Variants in CAGE1 observed in about 807,000 individuals in gnomAD.
CAGE1 encodes cancer-associated gene 1 protein.
Under a neutral mutation model 94.9 loss-of-function variants are expected in CAGE1, and 66 were observed. The ratio of observed to expected loss-of-function variants is 0.70; its 90% CI spans 0.57 to 0.85. The LOEUF is 0.85. Among genes scored for constraint, CAGE1 ranks in the 40% least tolerant of loss-of-function variants. The pLI, the probability that CAGE1 is intolerant of heterozygous loss-of-function variation, is 0.00. For missense variants in CAGE1, 865 were observed against 950.4 expected (o/e 0.91, Z 1.18); for synonymous variants, 319 against 321.0 (o/e 0.99, Z 0.07).
intron 12 of CAGE1, chr6:7,331,236 G>T: frequency 2.0e-6 from 1 of 495,462 alleles, no homozygotes; most frequent in Non-Finnish European, 3.4e-6. Context: ...AAGATACACA[G>T]AATTACATCT....
Position 7,378,639 on chromosome 6 carries a change from T to C in CAGE1, c.665A>G (p.Gln222Arg). Residue 222 changes from glutamine (Q) to arginine (R), a missense_variant, in exon 4 of 14, where the codon CAA (glutamine) becomes CGA (arginine). Physicochemically the swap from Gln to Arg is conservative, Grantham distance 43 (BLOSUM62 1). Coordinates refer to ENST00000502583, the MANE Select transcript of CAGE1 (RefSeq NM_001170692.2). ...TTCCTTACATAAGAAGCTTGGAGGTTGGCTAGGGTTGAGGGCAGATTCCTT... is the reference window on the plus strand; with the variant it reads ...TTCCTTACATAAGAAGCTTGGAGGTCGGCTAGGGTTGAGGGCAGATTCCTT... ...IAKESALNPS[Q>R]PPSFLCKTAV... 1 of 1,588,138 alleles carries C rather than the reference T, an allele frequency of 6.3e-7. No homozygotes were observed. Among genetic ancestry groups the C allele is most frequent in the Non-Finnish European group, 8.5e-7 (1 of 1,171,602 alleles).
intron 13 of CAGE1, among the ~76,000 whole-genome samples, chr6:7,327,318 G>T (rs1758572059): frequency 6.6e-6 from 1 of 152,004 alleles, no homozygotes. Flanking sequence ...CTCCCAAAGT[G>T]CTAGGATTAT....
intron 10 of CAGE1, among the ~76,000 whole-genome samples, chr6:7,355,531 C>A (rs918112332): frequency 6.6e-6 from 1 of 152,210 alleles, no homozygotes; most frequent in Non-Finnish European, 1.5e-5. Context: ...TGGATAGACA[C>A]ACACAACAAT....
At chr6:7,332,305 G>A (rs1411807649) in intron 12 of CAGE1, among the ~76,000 whole-genome samples, 1 of 152,172 alleles carries the variant, frequency 6.6e-6, no homozygotes, top group Non-Finnish European at 1.5e-5. Flanking sequence ...CGTTGCTGGG[G>A]ATCTCTGTCC....
chr6:7,338,361 TATA>T (rs1759040921), intron 11 of CAGE1, among the ~76,000 whole-genome samples: 1 of 152,204 alleles, frequency 6.6e-6, no homozygotes, highest in South Asian at 2.1e-4. Context: ...CATCATTAAG[TATA>T]ATGTTAGTAG....
chr6:7,358,048 A>G (rs1240027613), intron 9 of CAGE1, among the ~76,000 whole-genome samples: 2 of 119,178 alleles, frequency 1.7e-5, no homozygotes, highest in South Asian at 3.0e-4. Context: ...ATATATATAT[A>G]TATATATATA....
Position 7,339,263 on chromosome 6 carries a change from T to C in CAGE1, c.2370-5173A>G. 1.3e-6 allele frequency: 2 copies of C among 1,585,410 alleles called. No homozygotes were observed. Among genetic ancestry groups the C allele is most frequent in the Non-Finnish European group, 8.7e-7 (1 of 1,155,016 alleles). ...CTAGGAGTTTGTAAGGCAGAGACTCTGCCTGGGCAATGGCACACAGACCCC... is the reference window on the plus strand; with the variant it reads ...CTAGGAGTTTGTAAGGCAGAGACTCCGCCTGGGCAATGGCACACAGACCCC... On this transcript the variant is annotated intron_variant, in intron 11 of 13. Coordinates refer to ENST00000502583, the MANE Select transcript of CAGE1 (RefSeq NM_001170692.2). The surrounding 1 kb of genome is among the most constrained non-coding windows in gnomAD (Gnocchi z 4.7).
intron 4 of CAGE1, among the ~76,000 whole-genome samples, chr6:7,378,148 T>A (rs1451035692): frequency 6.6e-6 from 1 of 152,222 alleles, no homozygotes; most frequent in Admixed American, 6.5e-5. Flanking sequence ...GTCTACACAG[T>A]AGCCATTCTT....
intron 11 of CAGE1, among the ~76,000 whole-genome samples, chr6:7,354,028 C>A (rs1759870418): frequency 6.6e-6 from 1 of 151,598 alleles, no homozygotes; most frequent in African/African-American, 2.4e-5. Flanking sequence ...CAAAATCTCA[C>A]AAATCACCAC....
At chr6:7,345,412 A>C (rs532667439) in intron 11 of CAGE1, among the ~76,000 whole-genome samples, 243 of 152,260 alleles carry the variant, frequency 1.6e-3, no homozygotes, top group Middle Eastern at 0.014. Flanking sequence ...AAGAGCTGTA[A>C]CCCTCACTGC....
intron 7 of CAGE1, among the ~76,000 whole-genome samples, chr6:7,368,032 C>G (rs1305277513): frequency 6.6e-6 from 1 of 152,048 alleles, no homozygotes; most frequent in African/African-American, 2.4e-5. Flanking sequence ...GTCAGGAGTT[C>G]AATGGCTGCA....
chr6:7,347,505 G>T (rs1449274949), intron 11 of CAGE1: 39 of 106,642 alleles, frequency 3.7e-4, no homozygotes, highest in South Asian at 2.9e-4. Context: ...AGCGAGGGTG[G>T]GGGGGGGGGT....
intron 11 of CAGE1, among the ~76,000 whole-genome samples, chr6:7,352,237 C>T (rs958120425): frequency 7.0e-6 from 1 of 142,700 alleles, no homozygotes; most frequent in Admixed American, 7.5e-5. Context: ...TATATACCAA[C>T]AGCGACCAAG....
chr6:7,388,829 T>C (rs1026247500), intron 1 of CAGE1, among the ~76,000 whole-genome samples: 1 of 152,194 alleles, frequency 6.6e-6, no homozygotes, highest in Non-Finnish European at 1.5e-5. Flanking sequence ...GCTGCCTGGA[T>C]TGTGGTGAGA....
intron 11 of CAGE1, among the ~76,000 whole-genome samples, chr6:7,335,109 G>A (rs372209780): frequency 1.4e-3 from 208 of 152,184 alleles, no homozygotes; most frequent in African/African-American, 4.6e-3. Context: ...TTTTCTCCCC[G>A]TTTCCACTGT....
intron 11 of CAGE1, among the ~76,000 whole-genome samples, chr6:7,345,604 A>G (rs553843584): frequency 2.6e-5 from 4 of 152,314 alleles, no homozygotes; most frequent in East Asian, 3.9e-4. Context: ...CATAGTAAAC[A>G]GCTGTTTCTA....
intron 12 of CAGE1, chr6:7,331,578 A>G: frequency 2.9e-6 from 1 of 350,258 alleles, no homozygotes; most frequent in South Asian, 4.5e-5. Context: ...GGGCCCCATT[A>G]AATACCACAG....
intron 7 of CAGE1, among the ~76,000 whole-genome samples, chr6:7,367,705 G>C (rs898791599): frequency 6.6e-5 from 10 of 152,144 alleles, no homozygotes; most frequent in South Asian, 2.1e-4. Context: ...TGGCTAGGAG[G>C]CAGAGAGATT....
chr6:7,364,224 C>T (rs1760252498), intron 9 of CAGE1, among the ~76,000 whole-genome samples: 1 of 152,208 alleles, frequency 6.6e-6, no homozygotes, highest in African/African-American at 2.4e-5. Flanking sequence ...CCATCTCCTT[C>T]ATAACCTGCA....
Sources: gnomAD v4.1 joint callset for allele counts (sites outside exome capture counted in the v4.1 genomes callset) on GRCh38, gnomAD v4.1.1 for gene constraint, Gnocchi (gnomAD v3.1) non-coding constraint, MANE v1.5 for transcripts, NCBI Gene and HGNC (gene_info 2026-07-23, HGNC 2026-07-21) for gene names.